ZNF467: variants seen among roughly 807,000 people sequenced by gnomAD.
ZNF467 encodes zinc finger protein 467.
In ZNF467, 51 loss-of-function variants were observed where a neutral mutation model predicts 47.8. The ratio of observed to expected loss-of-function variants is 1.07; its 90% CI spans 0.85 to 1.35. The LOEUF is 1.35. Ranked by LOEUF, ZNF467 falls within the 40% of genes most tolerant of loss-of-function variation. The pLI, the probability that ZNF467 is intolerant of heterozygous loss-of-function variation, is 0.00. For missense variants in ZNF467, 992 were observed against 858.1 expected (o/e 1.16, Z -1.95); for synonymous variants, 416 against 372.9 (o/e 1.12, Z -1.33).
intron 1 of ZNF467, among the ~76,000 whole-genome samples, chr7:149,772,503 C>T (rs1799454085): frequency 7.2e-6 from 1 of 138,618 alleles, no homozygotes. Flanking sequence ...CTCCGTCTCC[C>T]CTCCGAACAC....
At position 149,769,009 on chromosome 7, in the gene ZNF467, T is replaced by G; in HGVS notation, c.262+81A>C. The G allele has an allele frequency of 7.8e-5, 98 of 1,248,924 alleles. No homozygotes were observed. The highest frequency in any genetic ancestry group is 9.1e-5 in the South Asian group (6 of 65,810). 77.4% of individuals were successfully genotyped at this position (1,248,924 alleles called of 1,614,324 possible). Reference sequence around the variant, plus strand: ...CTGTCTTGGGGGATTACCTGCCTCATGAGATAGCAGCTCCGGAGCTTGCTG... The same window carrying G: ...CTGTCTTGGGGGATTACCTGCCTCAGGAGATAGCAGCTCCGGAGCTTGCTG... On this transcript the variant is annotated intron_variant, in intron 4 of 4. Coordinates refer to ENST00000302017, the MANE Select transcript of ZNF467 (RefSeq NM_207336.3). This position sits in a 1 kb window ranked among gnomAD's most constrained non-coding sequence, Gnocchi z 5.3.
intron 1 of ZNF467, among the ~76,000 whole-genome samples, chr7:149,772,478 G>A (rs1202246176): frequency 7.7e-6 from 1 of 129,376 alleles, no homozygotes; most frequent in Non-Finnish European, 1.7e-5. Context: ...CTTCCCGCGG[G>A]CCCTGCCCTC....
At position 149,766,122 on chromosome 7, in the gene ZNF467, AG is replaced by A; in HGVS notation, c.379del (p.Leu127TrpfsTer18). ...LLPSPFPAPD[L>X]GHLAAAYKLE... is the part of the protein sequence containing the mutation. ...TTTGTACGCGGCAGCCAGATGCCCC[AG>A]GTCAGGCGCGGGAAAGGGGCTGGGA... On this transcript the variant is annotated frameshift_variant, in exon 5 of 5. Coordinates refer to ENST00000302017, the MANE Select transcript of ZNF467 (RefSeq NM_207336.3). LOFTEE classifies it high-confidence loss of function. 6.2e-7 allele frequency: 1 copy of A among 1,606,110 alleles called. No individual in the cohort carries two copies. Among genetic ancestry groups the A allele is most frequent in the Non-Finnish European group, 8.5e-7 (1 of 1,174,744 alleles).
chr7:149,768,395 C>A (rs189263582), intron 4 of ZNF467, among the ~76,000 whole-genome samples: 2 of 152,240 alleles, frequency 1.3e-5, no homozygotes, highest in Non-Finnish European at 2.9e-5. Flanking sequence ...AACCGAAGCT[C>A]CTGGAGGCAA....
At chr7:149,770,971 C>G in intron 2 of ZNF467, 28 bp downstream of exon 2, 1 of 1,614,038 alleles carries the variant, frequency 6.2e-7, no homozygotes, top group Non-Finnish European at 8.5e-7. Context: ...AAGCTTTTCC[C>G]CAAGTCCCTT....
chr7:149,765,954 C>CGGTGCAGCCGCT lies in ZNF467; in HGVS notation c.536_547dup (p.Gln179_His182dup). ...CGGGCAGGCGCAGGGGCCCTCGCCC[C>CGGTGCAGCCGCT]GGTGCAGCCGCTGGTGCAGTCGCAA... is the stretch of plus-strand genomic sequence containing the variant. On this transcript the variant is annotated inframe_insertion, in exon 5 of 5. Coordinates refer to ENST00000302017, the MANE Select transcript of ZNF467 (RefSeq NM_207336.3). The CGGTGCAGCCGCT allele has an allele frequency of 1.3e-6, 2 of 1,552,228 alleles. No individual in the cohort carries two copies. Among genetic ancestry groups the CGGTGCAGCCGCT allele is most frequent in the Non-Finnish European group, 1.7e-6 (2 of 1,149,022 alleles).
At chr7:149,767,239 C>G (rs1403556648) in intron 4 of ZNF467, among the ~76,000 whole-genome samples, 3 of 152,286 alleles carry the variant, frequency 2.0e-5, no homozygotes, top group African/African-American at 7.2e-5. Context: ...GCTCCCACGC[C>G]TGTGCTGCAT....
rs1188525873 is a variant in ZNF467 at position 149,766,028 on chromosome 7, C to A, written c.474G>T (p.Lys158Asn). ...GCTCACACTCCCCGCAGCCGTAGGG[C>A]TTCTCCGGCATCGGACCCCACCCAG... ...ALSGWGPMPE[K>N]PYGCGECERR... The change falls in exon 5 of 5, where the codon AAG becomes AAT. Residue 158 changes from lysine (K) to asparagine (N), a missense_variant. Physicochemically the swap from Lys to Asn is moderately conservative, Grantham distance 94. Transcript: ENST00000302017. 2.5e-6 allele frequency: 4 copies of A among 1,587,652 alleles called. No individual in the cohort carries two copies. The highest frequency in any genetic ancestry group is 4.6e-5 in the East Asian group (2 of 43,586).
intron 4 of ZNF467, among the ~76,000 whole-genome samples, chr7:149,767,840 C>T (rs150754427): frequency 6.6e-6 from 1 of 152,332 alleles, no homozygotes; most frequent in Non-Finnish European, 1.5e-5. Flanking sequence ...GCATGAGCCA[C>T]AGTGCCCAGC....
chr7:149,765,964 G>A lies in ZNF467; in HGVS notation c.538C>T (p.Arg180Trp). ...RDQLTLRLHQ[R>W]LHRGEGPCAC... ...CAGGGGCCCTCGCCCCGGTGCAGCCGCTGGTGCAGTCGCAACGTCAGCTGG... is the reference window on the plus strand; with the variant it reads ...CAGGGGCCCTCGCCCCGGTGCAGCCACTGGTGCAGTCGCAACGTCAGCTGG... The change falls in exon 5 of 5, where the codon CGG (arginine) becomes TGG (tryptophan). Residue 180 changes from arginine to tryptophan, a missense_variant. Arg to Trp is a moderately radical substitution (Grantham distance 101, BLOSUM62 -3). Transcript: ENST00000302017. 2 of 1,553,548 alleles carry A rather than the reference G, an allele frequency of 1.3e-6. No individual in the cohort carries two copies. The highest frequency in any genetic ancestry group is 1.7e-6 in the Non-Finnish European group (2 of 1,149,542).
At position 149,765,541 on chromosome 7, in the gene ZNF467, C is replaced by G; in HGVS notation, c.961G>C (p.Val321Leu). ...CTGGCCGGGCCGGCCGTCTGGTGCA[C>G]CCTTTGGTGCCGCACCAAGTGCTGC... is the stretch of plus-strand genomic sequence containing the variant. The part of the protein sequence containing the change: ...HKQHLVRHQR[V>L]HQTAGPARPS... The change falls in exon 5 of 5, where the codon GTG becomes CTG. Residue 321 changes from valine to leucine, a missense_variant. Transcript: ENST00000302017. 1 of 1,581,020 alleles carries G rather than the reference C, an allele frequency of 6.3e-7. No homozygotes were observed. The highest frequency in any genetic ancestry group is 8.6e-7 in the Non-Finnish European group (1 of 1,163,708).
Position 149,764,887 on chromosome 7 carries a change from C to T in ZNF467, c.1615G>A (p.Gly539Ser). ...TGCGGGCAGGAGAAGGGGCGGGAGC[C>T]TGTGTGGATCGCCTGGTGGCGGACT... ...NLVRHQAIHT[G>S]SRPFSCPQCG... is the part of the protein sequence containing the mutation. Residue 539 changes from glycine to serine, a missense_variant, in exon 5 of 5, where the codon GGC becomes AGC. By Grantham distance (56) the Gly-to-Ser change is moderately conservative (BLOSUM62 0). Transcript: ENST00000302017. 3 of 1,565,146 alleles carry T rather than the reference C, an allele frequency of 1.9e-6. No individual in the cohort carries two copies. Among genetic ancestry groups the T allele is most frequent in the Non-Finnish European group, 1.7e-6 (2 of 1,157,760 alleles).
Position 149,765,671 on chromosome 7 carries a change from G to A in ZNF467, c.831C>T (p.Cys277=). 6.2e-7 allele frequency: 1 copy of A among 1,612,874 alleles called. No individual in the cohort carries two copies. Among genetic ancestry groups the A allele is most frequent in the Non-Finnish European group, 8.5e-7 (1 of 1,179,650 alleles). The change falls in exon 5 of 5, where the codon TGC becomes TGT. Residue 277 remains cysteine (C), a synonymous_variant. Transcript: ENST00000302017. ...TGERPFPCTE[C]EKRFRKKTHL... ...GCGTCTTCTTGCGAAAGCGCTTCTC[G>A]CATTCCGTGCAGGGGAAGGGCCGCT...
At position 149,765,490 on chromosome 7, in the gene ZNF467, G is replaced by A. The variant is rs2117396129; in HGVS notation, c.1012C>T (p.Pro338Ser). Reference sequence around the variant, plus strand: ...GTCGGGGACGGGGCAGTGGAATGAGGAGAAGCGGACGAGTCGGGAGAGGGC... The same window carrying A: ...GTCGGGGACGGGGCAGTGGAATGAGAAGAAGCGGACGAGTCGGGAGAGGGC... Reference protein sequence around the residue: ...ARPSPDSSASPHSTAPSPTPS... With the variant: ...ARPSPDSSASSHSTAPSPTPS... The change falls in exon 5 of 5, where the codon CCT becomes TCT. Residue 338 changes from proline to serine, a missense_variant. By Grantham distance (74) the Pro-to-Ser change is moderately conservative (BLOSUM62 -1). Coordinates refer to ENST00000302017, the MANE Select transcript of ZNF467 (RefSeq NM_207336.3). 1.3e-6 allele frequency: 2 copies of A among 1,584,890 alleles called. No individual in the cohort carries two copies. Among genetic ancestry groups the A allele is most frequent in the East Asian group, 2.3e-5 (1 of 43,870 alleles).
chr7:149,775,765 A>G (rs73725601), upstream of ZNF467, among the ~76,000 whole-genome samples: 9,239 of 151,980 alleles, frequency 0.061, 315 homozygotes, highest in Middle Eastern at 0.082. Context: ...AAAGGGAAAC[A>G]GATGCACTGG....
upstream of ZNF467, among the ~76,000 whole-genome samples, chr7:149,774,272 C>G (rs1265550765): frequency 6.6e-6 from 1 of 152,184 alleles, no homozygotes; most frequent in Non-Finnish European, 1.5e-5. The surrounding 1 kb of genome is among the most constrained non-coding windows in gnomAD (Gnocchi z 5.7). Context: ...CGAGGTTTCT[C>G]CTTGGCCTTG....
At chr7:149,767,116 C>G (rs138132624) in intron 4 of ZNF467, among the ~76,000 whole-genome samples, 5 of 152,352 alleles carry the variant, frequency 3.3e-5, no homozygotes, top group African/African-American at 1.2e-4. Flanking sequence ...TTAGGTTCTC[C>G]TCTGTCACTA....
chr7:149,770,653 CT>C, intron 2 of ZNF467, 97 bp from the exon 3 acceptor site: 2 of 1,047,868 alleles, frequency 1.9e-6, no homozygotes, highest in Non-Finnish European at 1.4e-6. Context: ...GCCCAAGAGA[CT>C]TTTCCCAACC....
chr7:149,765,394 G>A lies in ZNF467; in HGVS notation c.1108C>T (p.Leu370Phe), dbSNP rs1256405850. Reference protein sequence around the residue: ...CGLSFGWKKNLATHQCLHRSE... With the variant: ...CGLSFGWKKNFATHQCLHRSE... ...CGGTGCAGACACTGGTGCGTGGCGA[G>A]GTTCTTTTTCCAGCCGAAGCTCAAG... The change falls in exon 5 of 5, where the codon CTC becomes TTC. Residue 370 changes from leucine to phenylalanine, a missense_variant. By Grantham distance (22) the Leu-to-Phe change is conservative (BLOSUM62 0). Coordinates refer to ENST00000302017, the MANE Select transcript of ZNF467 (RefSeq NM_207336.3). 47 of 1,569,916 alleles carry A rather than the reference G, an allele frequency of 3.0e-5. No homozygotes were observed. Among genetic ancestry groups the A allele is most frequent in the Non-Finnish European group, 3.7e-5 (43 of 1,158,608 alleles).
Sources: gnomAD v4.1 joint callset for allele counts (sites outside exome capture counted in the v4.1 genomes callset) on GRCh38, gnomAD v4.1.1 for gene constraint, Gnocchi (gnomAD v3.1) non-coding constraint, MANE v1.5 for transcripts, NCBI Gene and HGNC (gene_info 2026-07-23, HGNC 2026-07-21) for gene names.